GCKR: variants seen among roughly 807,000 people sequenced by gnomAD.
GCKR encodes glucokinase regulator, also known as glucokinase regulatory protein.
Under a neutral mutation model 82.9 loss-of-function variants are expected in GCKR, and 73 were observed. The ratio of observed to expected loss-of-function variants is 0.88; its 90% confidence interval spans 0.73 to 1.07. GCKR has a LOEUF of 1.07. Among genes scored for constraint, GCKR ranks in the 50% least tolerant of loss-of-function variants. The pLI is 0.00. For synonymous variants in GCKR, 294 were observed against 291.8 expected (o/e 1.01, Z -0.08); for missense variants, 784 against 782.1 (o/e 1.00, Z -0.03).
intron 18 of GCKR, 67 bp from the exon 19 acceptor site, chr2:27,523,202 C>T (rs1670192729): frequency 7.1e-7 from 1 of 1,414,400 alleles, no homozygotes; most frequent in Non-Finnish European, 9.9e-7. Context: ...CCCGACCTTC[C>T]TCCGGGGTTC....
intron 8 of GCKR, among the ~76,000 whole-genome samples, chr2:27,502,372 A>G (rs890866250): frequency 2.6e-5 from 4 of 152,110 alleles, no homozygotes; most frequent in Non-Finnish European, 4.4e-5. Context: ...GTTGTTCCTT[A>G]AATCAGTGGC....
At chr2:27,513,126 T>A (rs1181585480) in intron 16 of GCKR, among the ~76,000 whole-genome samples, 1 of 152,230 alleles carries the variant, frequency 6.6e-6, no homozygotes, top group East Asian at 1.9e-4. Flanking sequence ...GGTTTTAGCA[T>A]CCACTGATGA....
chr2:27,519,383 C>A (rs1441227626), intron 17 of GCKR, among the ~76,000 whole-genome samples: 1 of 151,672 alleles, frequency 6.6e-6, no homozygotes, highest in Non-Finnish European at 1.5e-5. Context: ...CTCAGTGCAA[C>A]CTCCGCCTCT....
At chr2:27,502,800 T>C (rs1669617206) in intron 8 of GCKR, among the ~76,000 whole-genome samples, 1 of 152,194 alleles carries the variant, frequency 6.6e-6, no homozygotes, top group Non-Finnish European at 1.5e-5. Flanking sequence ...AGGGGTGCCA[T>C]GTACAGAAGT....
Position 27,506,846 on chromosome 2 carries a change from A to G in GCKR, c.1027A>G (p.Ile343Val). The change falls in exon 12 of 19, where the codon ATC becomes GTC. Residue 343 changes from isoleucine to valine, a missense_variant. By Grantham distance (29) the Ile-to-Val change is conservative (BLOSUM62 3). Transcript: ENST00000264717. ...CTGGCAGACCCTGGGCATCATTGCC[A>G]TCATGGATGGAGTAGAGTGCATCCA... ...VGWQTLGIIA[I>V]MDGVECIHTF... is the part of the protein sequence containing the mutation. The G allele has an allele frequency of 6.2e-7, 1 of 1,613,168 alleles. No homozygotes were observed. The highest frequency in any genetic ancestry group is 8.5e-7 in the Non-Finnish European group (1 of 1,179,122).
At chr2:27,505,162 C>T (rs1233825954) in intron 9 of GCKR, among the ~76,000 whole-genome samples, 2 of 130,726 alleles carry the variant, frequency 1.5e-5, no homozygotes, top group Non-Finnish European at 3.1e-5. Flanking sequence ...TTTGGGAGGC[C>T]GAGGTGGGCG....
intron 13 of GCKR, 26 bp from the exon 14 acceptor site, chr2:27,507,655 G>A (rs1303398873): frequency 7.1e-6 from 9 of 1,268,872 alleles, no homozygotes; most frequent in East Asian, 2.3e-5. Context: ...TCATGGGAGG[G>A]ACCCTCCCAT....
chr2:27,496,915 C>G lies in GCKR; in HGVS notation c.11C>G (p.Thr4Arg). 3 of 1,613,782 alleles carry G rather than the reference C, an allele frequency of 1.9e-6. No individual in the cohort carries two copies. Among genetic ancestry groups the G allele is most frequent in the Non-Finnish European group, 2.5e-6 (3 of 1,179,686 alleles). The change falls in exon 1 of 19, where the codon ACA becomes AGA. Residue 4 changes from threonine to arginine, a missense_variant. Coordinates refer to ENST00000264717, the MANE Select transcript of GCKR (RefSeq NM_001486.4). MPG[T>R]KRFQHVIETP... ...CCACAGCGTGGGACCATGCCAGGCACAAAACGGTTTCAACATGTCATTGAG... is the reference window on the plus strand; with the variant it reads ...CCACAGCGTGGGACCATGCCAGGCAGAAAACGGTTTCAACATGTCATTGAG...
intron 1 of GCKR, 74 bp from the exon 2 acceptor site, chr2:27,497,170 C>G: frequency 6.4e-7 from 1 of 1,559,088 alleles, no homozygotes; most frequent in Non-Finnish European, 8.8e-7. Flanking sequence ...CCTGCTGCCA[C>G]TCCCACCTCC....
chr2:27,508,213 C>A lies in GCKR; in HGVS notation c.1384C>A (p.Pro462Thr). The A allele has an allele frequency of 6.2e-7, 1 of 1,611,826 alleles. No individual in the cohort carries two copies. Among genetic ancestry groups the A allele is most frequent in the Non-Finnish European group, 8.5e-7 (1 of 1,177,904 alleles). Residue 462 changes from proline (P) to threonine (T), a missense_variant, in exon 16 of 19, where the codon CCA (proline) becomes ACA (threonine). Pro to Thr is a conservative substitution (Grantham distance 38). Transcript: ENST00000264717. ...LFPSIISITW[P>T]LLFFEYEGNF... ...TCCCTCCATCATCAGCATCACATGG[C>A]CACTGCTTTTCTTTGAATATGAAGG...
At chr2:27,512,283 A>G (rs1324861137) in intron 16 of GCKR, among the ~76,000 whole-genome samples, 1 of 150,816 alleles carries the variant, frequency 6.6e-6, no homozygotes, top group Non-Finnish European at 1.5e-5. Flanking sequence ...CACGCCTACA[A>G]TCCCAGTACT....
At chr2:27,522,320 A>T in intron 17 of GCKR, 140 bp from the exon 18 acceptor site, 1 of 833,328 alleles carries the variant, frequency 1.2e-6, no homozygotes, top group Non-Finnish European at 2.0e-6. Flanking sequence ...GATTGCCAAC[A>T]TGGACAAATC....
At chr2:27,509,436 C>T (rs1432232929) in intron 16 of GCKR, 2 of 321,928 alleles carry the variant, frequency 6.2e-6, no homozygotes, top group Non-Finnish European at 1.4e-5. Context: ...GCCTCCCCTG[C>T]TCAACTGATC....
chr2:27,503,256 A>G (rs1351398405), intron 8 of GCKR, among the ~76,000 whole-genome samples: 5 of 152,200 alleles, frequency 3.3e-5, no homozygotes, highest in Non-Finnish European at 7.3e-5. Context: ...AGGACACAAG[A>G]TAGTTTGGGT....
At position 27,506,426 on chromosome 2, in the gene GCKR, A is replaced by G. The variant is rs922138881; in HGVS notation, c.870-55A>G. The G allele has an allele frequency of 8.4e-6, 10 of 1,184,332 alleles. No homozygotes were observed. In the African/African-American group the frequency reaches 1.3e-4, roughly 16 times the overall value. The allele number at this position is 1,184,332 out of a possible 1,614,324, so 73.4% of individuals were successfully genotyped here. A position where few individuals can be genotyped will look rare whatever the true frequency, so the allele number is the denominator to read the frequency against. On this transcript the variant is annotated intron_variant, in intron 10 of 18. Transcript: ENST00000264717. ...CACCTCCCCGCTCAGGGAGGCACCT[A>G]AGCTTTCTGAGGGGGAATTGGGCCC...
In GCKR at chr2:27,499,396, G is replaced by C. The variant is rs1558433649; in HGVS notation, c.496-1G>C. The C allele has an allele frequency of 6.2e-7, 1 of 1,610,548 alleles. No individual in the cohort carries two copies. The highest frequency in any genetic ancestry group is 8.5e-7 in the Non-Finnish European group (1 of 1,176,686). ...CTACCTTGTCCATCCTCCTCTCCTA[G>C]GTGGCTGCCGGGAAGAAGAGAGTGA... On this transcript the variant is annotated splice_acceptor_variant, in intron 6 of 18. Coordinates refer to ENST00000264717, the MANE Select transcript of GCKR (RefSeq NM_001486.4). LOFTEE classifies it high-confidence loss of function.
rs1669470181 is a variant in GCKR at position 27,498,315 on chromosome 2, C to G, written c.346C>G (p.Leu116Val). 1 of 1,612,004 alleles carries G rather than the reference C, an allele frequency of 6.2e-7. No homozygotes were observed. Among genetic ancestry groups the G allele is most frequent in the African/African-American group, 1.3e-5 (1 of 74,866 alleles). ...GGGTSGRMAF[L>V]MSVSFNQLMK... is the part of the protein sequence containing the mutation. Reference sequence around the variant, plus strand: ...GGGCACCTCTGGCCGGATGGCATTCCTCATGTCGGTGAGCACCCTGGTCTC... The same window carrying G: ...GGGCACCTCTGGCCGGATGGCATTCGTCATGTCGGTGAGCACCCTGGTCTC... Residue 116 changes from leucine (L) to valine (V), a missense_variant, in exon 4 of 19, where the codon CTC (leucine) becomes GTC (valine). Leu to Val is a conservative substitution (Grantham distance 32, BLOSUM62 1). Transcript: ENST00000264717.
intron 16 of GCKR, among the ~76,000 whole-genome samples, chr2:27,515,745 G>GTATATA (rs528066615): frequency 1.6e-4 from 21 of 129,442 alleles, no homozygotes; most frequent in African/African-American, 3.2e-4. Context: ...CCAATTGTTC[G>GTATATA]TATATATATA....
intron 7 of GCKR, among the ~76,000 whole-genome samples, chr2:27,499,659 A>G (rs1435902818): frequency 2.0e-5 from 3 of 152,262 alleles, no homozygotes; most frequent in Admixed American, 6.5e-5. Flanking sequence ...CTGTGTATCA[A>G]TCAATCAACA....
Sources: gnomAD v4.1 joint callset for allele counts (sites outside exome capture counted in the v4.1 genomes callset) on GRCh38, gnomAD v4.1.1 for gene constraint, MANE v1.5 for transcripts, NCBI Gene and HGNC (gene_info 2026-07-23, HGNC 2026-07-21) for gene names.